Variants in TYW3 observed in about 807,000 individuals in gnomAD.
TYW3 encodes tRNA-yW synthesizing protein 3 homolog, also known as tRNA wybutosine-synthesizing protein 3 homolog.
A neutral mutation model predicts 23.1 loss-of-function variants in TYW3; 26 were observed. That is an observed-to-expected ratio of 1.13 (90% confidence interval 0.83 to 1.56). The LOEUF (loss-of-function observed/expected upper bound fraction) is 1.56. Ranked by LOEUF, TYW3 falls within the 40% of genes most tolerant of loss-of-function variation. The pLI, the probability that TYW3 is intolerant of heterozygous loss-of-function variation, is 0.00. For missense variants in TYW3, 316 were observed against 311.9 expected (o/e 1.01, Z -0.10); for synonymous variants, 102 against 105.7 (o/e 0.97, Z 0.21).
intron 1 of TYW3, among the ~76,000 whole-genome samples, chr1:74,735,617 G>A (rs565467136): frequency 2.0e-5 from 3 of 152,310 alleles, no homozygotes; most frequent in African/African-American, 7.2e-5. Flanking sequence ...TGAAGCCAGC[G>A]ATGGCATTAG....
At chr1:74,747,745 A>G (rs1157887174) in intron 3 of TYW3, among the ~76,000 whole-genome samples, 2 of 138,082 alleles carry the variant, frequency 1.4e-5, no homozygotes, top group East Asian at 2.3e-4. Flanking sequence ...ATACACACAC[A>G]TATATGTATA....
In TYW3 at chr1:74,740,802, G is replaced by A. The variant is rs565523403; in HGVS notation, c.354+2014G>A. On this transcript the variant is annotated intron_variant, in intron 3 of 5. Coordinates refer to ENST00000370867, the MANE Select transcript of TYW3 (RefSeq NM_138467.3). Reference sequence around the variant, plus strand: ...ACAGTCCTTTAGCTACACACAGAGCGCTAATTGGTGCGTTTTTACAGAGTG... The same window carrying A: ...ACAGTCCTTTAGCTACACACAGAGCACTAATTGGTGCGTTTTTACAGAGTG... Among the ~76,000 whole-genome samples the A allele has an allele frequency of 5.9e-5, 9 of 152,300 alleles. No individual in the cohort carries two copies. In the South Asian group the frequency reaches 1.4e-3, roughly 25 times the overall value.
At chr1:74,741,346 G>A (rs540450479) in intron 3 of TYW3, among the ~76,000 whole-genome samples, 120 of 152,066 alleles carry the variant, frequency 7.9e-4, no homozygotes, top group African/African-American at 2.2e-3. Context: ...CCAATGGTTC[G>A]CAGGTGTATC....
intron 2 of TYW3, among the ~76,000 whole-genome samples, chr1:74,738,459 G>A (rs277375): frequency 0.23 from 35,068 of 152,108 alleles, 4,194 homozygotes; most frequent in Middle Eastern, 0.3. Context: ...CACACTAATA[G>A]GTGGAAAGAA....
intron 3 of TYW3, among the ~76,000 whole-genome samples, chr1:74,747,643 AAAAAAAAGAAAAAG>A (rs1229917007): frequency 2.0e-5 from 3 of 151,504 alleles, no homozygotes; most frequent in South Asian, 2.1e-4. Context: ...TCTCAAAAAA[AAAAAAAAGAAAAAG>A]AAAAAAAGAA....
chr1:74,741,983 C>T (rs1212000862), intron 3 of TYW3, among the ~76,000 whole-genome samples: 1 of 152,190 alleles, frequency 6.6e-6, no homozygotes, highest in African/African-American at 2.4e-5. Flanking sequence ...CATTGTTGCT[C>T]TGTAAGCTTT....
chr1:74,742,948 T>A (rs922092909), intron 3 of TYW3, among the ~76,000 whole-genome samples: 7 of 152,022 alleles, frequency 4.6e-5, no homozygotes, highest in Non-Finnish European at 8.8e-5. Flanking sequence ...CAGGAGGAAG[T>A]CAATTTCCTG....
intron 1 of TYW3, chr1:74,736,077 C>T (rs1648143340): frequency 6.6e-6 from 1 of 152,236 alleles, no homozygotes; most frequent in Admixed American, 6.6e-5. Context: ...AAATTTATGC[C>T]TCTAGAGACC....
chr1:74,737,872 G>A (rs1403455426), intron 2 of TYW3, among the ~76,000 whole-genome samples: 1 of 152,196 alleles, frequency 6.6e-6, no homozygotes, highest in Non-Finnish European at 1.5e-5. Flanking sequence ...CTAGCCCTTT[G>A]CAATGTGTCA....
chr1:74,755,407 A>G (rs547258503), intron 5 of TYW3, among the ~76,000 whole-genome samples: 2 of 152,204 alleles, frequency 1.3e-5, no homozygotes, highest in Non-Finnish European at 2.9e-5. Flanking sequence ...TATTATAGGT[A>G]ATTCATCTAA....
chr1:74,743,222 GGCCTGCTC>G, intron 3 of TYW3, among the ~76,000 whole-genome samples: 1 of 152,216 alleles, frequency 6.6e-6, no homozygotes, highest in East Asian at 1.9e-4. Flanking sequence ...CCGGGTGATT[GGCCTGCTC>G]CATTTTATGT....
In TYW3 at chr1:74,752,277, G is replaced by C; in HGVS notation, c.427-15G>C. The C allele has an allele frequency of 6.3e-7, 1 of 1,581,574 alleles. No homozygotes were observed. Among genetic ancestry groups the C allele is most frequent in the East Asian group, 2.3e-5 (1 of 44,320 alleles). ...GTATCTAAGTCTTCATATCTAAATT[G>C]TTTTTTCCTTGTAGGCTGTCCGGAG... is the stretch of plus-strand genomic sequence containing the variant. On this transcript the variant is annotated splice_polypyrimidine_tract_variant and intron_variant, in intron 4 of 5. Transcript: ENST00000370867.
rs1187156151 is a variant in TYW3, at chr1:74,738,736, A to G, written c.302A>G (p.Glu101Gly). The stretch of plus-strand genomic sequence containing the variant: ...AATGGTGATGCCACTTTGAAATTTG[A>G]ACCATTTGTTCTTCATGTGCAGTGT... ...KANGDATLKF[E>G]PFVLHVQCRQ... Residue 101 changes from glutamate to glycine, a missense_variant, in exon 3 of 6, where the codon GAA (glutamate) becomes GGA (glycine). Transcript: ENST00000370867. The G allele has an allele frequency of 6.2e-7, 1 of 1,611,170 alleles. No individual in the cohort carries two copies. Among genetic ancestry groups the G allele is most frequent in the South Asian group, 1.1e-5 (1 of 90,748 alleles).
At chr1:74,747,866 C>T (rs1386280372) in intron 3 of TYW3, among the ~76,000 whole-genome samples, 1 of 120,104 alleles carries the variant, frequency 8.3e-6, no homozygotes, top group Non-Finnish European at 2.1e-5. Context: ...TGTATGTATA[C>T]ATACACATAC....
chr1:74,735,997 A>G (rs1648141477), intron 1 of TYW3, among the ~76,000 whole-genome samples: 1 of 152,198 alleles, frequency 6.6e-6, no homozygotes. Context: ...GTTTGCCTTC[A>G]TGAAACTTTG....
Position 74,748,779 on chromosome 1 carries a change from G to A in TYW3, c.383G>A (p.Arg128Lys). The A allele has an allele frequency of 6.2e-7, 1 of 1,614,012 alleles. No homozygotes were observed. The change falls in exon 4 of 6, where the codon AGG (arginine) becomes AAG (lysine). Residue 128 changes from arginine (R) to lysine (K), a missense_variant. By Grantham distance (26) the Arg-to-Lys change is conservative. Transcript: ENST00000370867. Reference sequence around the variant, plus strand: ...TCCATGGCAATAGATTCTGGTTTCAGGAACTCTGGCATAACGGTGGGAAAG... The same window carrying A: ...TCCATGGCAATAGATTCTGGTTTCAAGAACTCTGGCATAACGGTGGGAAAG... ...LHSMAIDSGF[R>K]NSGITVGKRG...
chr1:74,751,054 C>A (rs1432334956), intron 4 of TYW3: 1 of 152,090 alleles, frequency 6.6e-6, no homozygotes, highest in Admixed American at 6.6e-5. Context: ...TCAGGTGATC[C>A]ATCTTCCTTG....
chr1:74,764,649 C>T lies in TYW3; in HGVS notation c.*536C>T, dbSNP rs1468359406. 6.6e-6 allele frequency: 1 copy of T among 151,990 alleles called. No individual in the cohort carries two copies. Among genetic ancestry groups the T allele is most frequent in the Non-Finnish European group, 1.5e-5 (1 of 68,042 alleles). 9.4% of individuals were successfully genotyped at this position (151,990 alleles called of 1,614,324 possible). A position where few individuals can be genotyped will look rare whatever the true frequency, so the allele number is the denominator to read the frequency against. Reference sequence around the variant, plus strand: ...ATAGTTTTAAACATTCTTTTAGGGACATGTAACTTTTAAGTATCACTTCAA... The same window carrying T: ...ATAGTTTTAAACATTCTTTTAGGGATATGTAACTTTTAAGTATCACTTCAA... On this transcript the variant is annotated 3_prime_UTR_variant, in exon 6 of 6. Transcript: ENST00000370867.
At position 74,755,250 on chromosome 1, in the gene TYW3, C is replaced by CA. The variant is rs573046442; in HGVS notation, c.560+2826dup. ...TAACCAGTGGCATTAAGTGCATTCACATTGTTATGCAACTGTCGCCACTGT... is the reference window on the plus strand; with the variant it reads ...TAACCAGTGGCATTAAGTGCATTCACAATTGTTATGCAACTGTCGCCACTGT... On this transcript the variant is annotated intron_variant, in intron 5 of 5. Coordinates refer to ENST00000370867, the MANE Select transcript of TYW3 (RefSeq NM_138467.3). Among the ~76,000 whole-genome samples, 40 of 152,230 alleles carry CA rather than the reference C, an allele frequency of 2.6e-4. 1 individual carries two copies. The South Asian group carries it at 8.3e-3, about 32-fold the overall frequency.
Sources: gnomAD v4.1 joint callset for allele counts (sites outside exome capture counted in the v4.1 genomes callset) on GRCh38, gnomAD v4.1.1 for gene constraint, MANE v1.5 for transcripts, NCBI Gene and HGNC (gene_info 2026-07-23, HGNC 2026-07-21) for gene names.